Variants in SCIN observed in about 807,000 individuals in gnomAD.
SCIN encodes scinderin.
In SCIN, 91 loss-of-function variants were observed where a neutral mutation model predicts 91.8. That is an observed-to-expected ratio of 0.99 (90% confidence interval 0.84 to 1.18). SCIN has a LOEUF of 1.18. Ranked by LOEUF, SCIN falls within the 50% of genes most tolerant of loss-of-function variation. The pLI is 0.00. For missense variants in SCIN, 1,087 were observed against 863.9 expected, an observed-to-expected ratio of 1.26 and a Z score of -3.24; for synonymous variants, 367 against 312.6, an observed-to-expected ratio of 1.17 and a Z score of -1.84.
At chr7:12,615,296 A>C (rs1299133450) in intron 4 of SCIN, among the ~76,000 whole-genome samples, 1 of 152,100 alleles carries the variant, frequency 6.6e-6, no homozygotes, top group Non-Finnish European at 1.5e-5. Flanking sequence ...ATCCCCACAC[A>C]TCAAGGGAGG....
At chr7:12,635,973 G>T in intron 9 of SCIN, 72 bp from the exon 10 acceptor site, 1 of 1,044,980 alleles carries the variant, frequency 9.6e-7, no homozygotes, top group Non-Finnish European at 1.5e-6. Context: ...ACTTGTCTCT[G>T]CTTGCAATGC....
chr7:12,599,959 G>A (rs1782924481), intron 3 of SCIN, among the ~76,000 whole-genome samples: 1 of 152,024 alleles, frequency 6.6e-6, no homozygotes, highest in Admixed American at 6.6e-5. Context: ...CCCATTCTGT[G>A]GGTTGTCTGT....
At chr7:12,582,696 C>G (rs1782512086) in intron 3 of SCIN, among the ~76,000 whole-genome samples, 1 of 152,142 alleles carries the variant, frequency 6.6e-6, no homozygotes, top group Non-Finnish European at 1.5e-5. Flanking sequence ...AGTCCTGACT[C>G]TCATATCTAG....
At chr7:12,625,463 G>C (rs1217266158) in intron 6 of SCIN, among the ~76,000 whole-genome samples, 2 of 123,536 alleles carry the variant, frequency 1.6e-5, no homozygotes, top group East Asian at 2.3e-4. Context: ...CGTCGCCCAG[G>C]CTGGAGTGCA....
intron 9 of SCIN, among the ~76,000 whole-genome samples, chr7:12,632,583 G>T (rs1297450569): frequency 6.6e-6 from 1 of 152,182 alleles, no homozygotes; most frequent in African/African-American, 2.4e-5. Context: ...GGGAAGGAAA[G>T]AATGAAACAA....
Position 12,629,098 on chromosome 7 carries a change from C to G in SCIN, c.1198-3C>G. 1.2e-6 allele frequency: 2 copies of G among 1,608,394 alleles called. No homozygotes were observed. Among genetic ancestry groups the G allele is most frequent in the East Asian group, 2.2e-5 (1 of 44,702 alleles). On this transcript the variant is annotated splice_polypyrimidine_tract_variant and splice_region_variant and intron_variant, in intron 8 of 15. Coordinates refer to ENST00000297029, the MANE Select transcript of SCIN (RefSeq NM_001112706.3). ...TTTGTTGTATATATTCCATTCCTTC[C>G]AGATTTGGCGTGTAGAAAACAATGG...
chr7:12,615,360 G>A (rs849794), intron 4 of SCIN, among the ~76,000 whole-genome samples: 14,792 of 151,922 alleles, frequency 0.097, 759 homozygotes, highest in Middle Eastern at 0.15. Context: ...TGTTGTTCTC[G>A]TGATAGTGAG....
chr7:12,652,583 T>C lies in SCIN; in HGVS notation c.2021-5T>C. ...GAATTTATATGTCTTTACAACTTTTTTTAGCCAAAATGTACCTTGAGACAG... is the reference window on the plus strand; with the variant it reads ...GAATTTATATGTCTTTACAACTTTTCTTAGCCAAAATGTACCTTGAGACAG... On this transcript the variant is annotated splice_polypyrimidine_tract_variant and splice_region_variant and intron_variant, in intron 15 of 15. Transcript: ENST00000297029. 1 of 1,612,008 alleles carries C rather than the reference T, an allele frequency of 6.2e-7. No homozygotes were observed. The highest frequency in any genetic ancestry group is 8.5e-7 in the Non-Finnish European group (1 of 1,179,104).
intron 4 of SCIN, among the ~76,000 whole-genome samples, chr7:12,616,743 A>G (rs1043478401): frequency 6.6e-6 from 1 of 152,152 alleles, no homozygotes; most frequent in Non-Finnish European, 1.5e-5. Flanking sequence ...TATATGGGAA[A>G]ATATGATGGA....
chr7:12,627,022 G>A (rs1006913880), intron 8 of SCIN, among the ~76,000 whole-genome samples: 3 of 151,994 alleles, frequency 2.0e-5, no homozygotes, highest in African/African-American at 7.2e-5. Context: ...CCTGGGAGGT[G>A]GAGGCTGCAG....
At chr7:12,616,918 G>C (rs947536311) in intron 4 of SCIN, among the ~76,000 whole-genome samples, 17 of 152,010 alleles carry the variant, frequency 1.1e-4, no homozygotes, top group African/African-American at 4.1e-4. Context: ...CTTTTCTCCA[G>C]GTTTTGCCTG....
At chr7:12,593,173 C>T (rs1233875425) in intron 3 of SCIN, among the ~76,000 whole-genome samples, 2 of 152,330 alleles carry the variant, frequency 1.3e-5, no homozygotes, top group South Asian at 2.1e-4. Context: ...CCTTCTTTGC[C>T]GCACTTAAAA....
rs1331289188 is a variant in SCIN, at chr7:12,654,593, G to A, written c.*1878G>A. 6.6e-6 allele frequency: 1 copy of A among 152,118 alleles called. No homozygotes were observed. Among genetic ancestry groups the A allele is most frequent in the Non-Finnish European group, 1.5e-5 (1 of 67,998 alleles). 9.4% of individuals were successfully genotyped at this position (152,118 alleles called of 1,614,324 possible). A position where few individuals can be genotyped will look rare whatever the true frequency, so the allele number is the denominator to read the frequency against. ...AGCTGAATATTTTTTGAAGGATGAT[G>A]AGAATAAAATGATTTAATAAGTAGT... On this transcript the variant is annotated 3_prime_UTR_variant, in exon 16 of 16. Coordinates refer to ENST00000297029, the MANE Select transcript of SCIN (RefSeq NM_001112706.3).
At position 12,644,273 on chromosome 7, in the gene SCIN, C is replaced by T. The variant is rs926661138; in HGVS notation, c.1717C>T (p.Leu573=). The T allele has an allele frequency of 9.4e-6, 15 of 1,598,700 alleles. No individual in the cohort carries two copies. The African/African-American group carries it at 1.9e-4, about 20-fold the overall frequency. ...EKGAEYVASV[L]KCKTLRIQEG... is the part of the protein sequence containing the mutation. ...AGGAGCAGAGTATGTAGCAAGTGTC[C>T]TAAAGTGCAAAACCTTAAGGATCCA... Residue 573 remains leucine (L), a synonymous_variant, in exon 12 of 16, where the codon CTA becomes TTA. Transcript: ENST00000297029.
At chr7:12,644,108 A>T in intron 11 of SCIN, 30 bp from the exon 12 acceptor site, 1 of 1,579,970 alleles carries the variant, frequency 6.3e-7, no homozygotes. Flanking sequence ...ATGAATTTGA[A>T]TCATTGTTTT....
At chr7:12,627,645 C>T (rs992358075) in intron 8 of SCIN, among the ~76,000 whole-genome samples, 13 of 152,178 alleles carry the variant, frequency 8.5e-5, no homozygotes, top group African/African-American at 2.4e-5. Context: ...ATCTAAGCGG[C>T]ATGGGTGTTG....
Position 12,644,161 on chromosome 7 carries a change from G to C in SCIN, c.1605G>C (p.Leu535=), listed in dbSNP as rs780968831. Residue 535 remains leucine (L), a synonymous_variant, in exon 12 of 16, where the codon CTG becomes CTC. Transcript: ENST00000297029. The part of the protein sequence containing the change: ...IVEVDVDANS[L]NSNDVFVLKL... The stretch of plus-strand genomic sequence containing the variant: ...AGGTTGATGTTGATGCAAATTCACT[G>C]AATTCTAACGATGTTTTTGTCCTGA... 7.8e-5 allele frequency: 126 copies of C among 1,612,666 alleles called. No individual in the cohort carries two copies. Among genetic ancestry groups the C allele is most frequent in the Non-Finnish European group, 1.1e-4 (124 of 1,179,320 alleles).
intron 3 of SCIN, among the ~76,000 whole-genome samples, chr7:12,594,165 A>T (rs1782787270): frequency 6.6e-6 from 1 of 151,960 alleles, no homozygotes; most frequent in Non-Finnish European, 1.5e-5. Context: ...TCAGAGTCAG[A>T]AGTGGGTTGG....
At chr7:12,628,717 AATAT>A (rs375005746) in intron 8 of SCIN, among the ~76,000 whole-genome samples, 21 of 152,006 alleles carry the variant, frequency 1.4e-4, no homozygotes, top group African/African-American at 5.1e-4. Context: ...CAGGGAAAAA[AATAT>A]ATATATATGT....
Sources: allele counts gnomAD v4.1 joint callset (sites outside exome capture counted in the v4.1 genomes callset), GRCh38; gene constraint gnomAD v4.1.1; transcripts MANE v1.5; gene names NCBI Gene and HGNC (gene_info 2026-07-23, HGNC 2026-07-21).